Variants in NPSR1 observed in about 807,000 individuals in gnomAD.
The protein encoded by NPSR1 is neuropeptide S receptor.
NPSR1 carries 48 observed loss-of-function variants against 46.9 expected under a neutral mutation model. That is an observed-to-expected ratio of 1.02 (90% CI 0.81 to 1.30). The LOEUF (loss-of-function observed/expected upper bound fraction) is 1.30, where lower values mean the gene tolerates loss of function less well. Among genes scored for constraint, NPSR1 ranks in the 50% most tolerant of loss-of-function variants. NPSR1 has a pLI of 0.00. For synonymous variants in NPSR1, 176 were observed against 168.1 expected, an observed-to-expected ratio of 1.05 and a Z score of -0.36; for missense variants, 450 against 449.5, an observed-to-expected ratio of 1.00 and a Z score of -0.01.
chr7:34,809,610 C>G (rs1788885479), intron 3 of NPSR1, among the ~76,000 whole-genome samples: 1 of 151,772 alleles, frequency 6.6e-6, no homozygotes, highest in African/African-American at 2.4e-5. Flanking sequence ...ACTACAGGCG[C>G]CCGCCACTAC....
chr7:34,761,565 T>A (rs1786175360), intron 2 of NPSR1, among the ~76,000 whole-genome samples: 1 of 152,208 alleles, frequency 6.6e-6, no homozygotes, highest in South Asian at 2.1e-4. Context: ...AATATTTTTT[T>A]GTTACAATTT....
intron 8 of NPSR1, among the ~76,000 whole-genome samples, chr7:34,869,038 A>T (rs1300114856): frequency 1.3e-5 from 2 of 151,590 alleles, no homozygotes; most frequent in Non-Finnish European, 2.9e-5. Context: ...CATTTCTATC[A>T]TTGATAAAGG....
At chr7:34,734,780 C>T (rs1181652338) in intron 2 of NPSR1, among the ~76,000 whole-genome samples, 1 of 152,176 alleles carries the variant, frequency 6.6e-6, no homozygotes, top group Non-Finnish European at 1.5e-5. Flanking sequence ...CAGTGTTTCT[C>T]AAGAAGGTGG....
intron 2 of NPSR1, among the ~76,000 whole-genome samples, chr7:34,775,494 T>C (rs1443114829): frequency 6.6e-6 from 1 of 152,160 alleles, no homozygotes; most frequent in African/African-American, 2.4e-5. Context: ...GGAAGACATT[T>C]TATTATAAGT....
At chr7:34,829,723 C>T (rs1790028676) in intron 5 of NPSR1, among the ~76,000 whole-genome samples, 1 of 152,180 alleles carries the variant, frequency 6.6e-6, no homozygotes, top group Non-Finnish European at 1.5e-5. Flanking sequence ...AGGACTTCTC[C>T]TCAAACTTGC....
intron 1 of NPSR1, among the ~76,000 whole-genome samples, chr7:34,679,867 G>A (rs1312847610): frequency 6.6e-6 from 1 of 152,002 alleles, no homozygotes; most frequent in Admixed American, 6.5e-5. Context: ...CTGAAATGGT[G>A]CTACTACTAG....
chr7:34,721,657 T>C (rs1309031146), intron 2 of NPSR1, among the ~76,000 whole-genome samples: 1 of 152,262 alleles, frequency 6.6e-6, no homozygotes, highest in Non-Finnish European at 1.5e-5. Flanking sequence ...ACTTTAGATT[T>C]CTTTGTAAAA....
rs191509047 is a variant in NPSR1, at chr7:34,669,872, G to A, written c.147+11313G>A. 4.9e-3 allele frequency among the ~76,000 whole-genome samples: 750 copies of A among 152,328 alleles called. 2 individuals carry two copies. The highest frequency in any genetic ancestry group is 0.015 in the African/African-American group (643 of 41,584). On this transcript the variant is annotated intron_variant, in intron 1 of 8. Coordinates refer to ENST00000360581, the MANE Select transcript of NPSR1 (RefSeq NM_207172.2). The stretch of plus-strand genomic sequence containing the variant: ...CTATCCAAGTTGGAGCTTCTGCTCA[G>A]CTGTCGAGAGGATCGTGAAAAAACG...
intron 5 of NPSR1, chr7:34,834,171 C>T: frequency 1.7e-6 from 1 of 575,598 alleles, no homozygotes. Flanking sequence ...CAGGTCTTAG[C>T]CTCCTCACTT....
At chr7:34,802,431 T>C (rs1788468872) in intron 3 of NPSR1, among the ~76,000 whole-genome samples, 1 of 150,082 alleles carries the variant, frequency 6.7e-6, no homozygotes, top group Non-Finnish European at 1.5e-5. Context: ...AACTATCTGA[T>C]CTTTGACAAA....
chr7:34,708,663 A>G (rs1794229143), intron 2 of NPSR1, among the ~76,000 whole-genome samples: 1 of 152,248 alleles, frequency 6.6e-6, no homozygotes, highest in Non-Finnish European at 1.5e-5. Flanking sequence ...TAGATTCCAA[A>G]GCAGGTCAGA....
At chr7:34,743,439 TGTC>T (rs1785048999) in intron 2 of NPSR1, among the ~76,000 whole-genome samples, 1 of 149,558 alleles carries the variant, frequency 6.7e-6, no homozygotes, top group Non-Finnish European at 1.5e-5. Flanking sequence ...TCTCTCTCTC[TGTC>T]TTCTTTTTTT....
At chr7:34,868,090 C>G (rs1791359887) in intron 8 of NPSR1, among the ~76,000 whole-genome samples, 1 of 151,764 alleles carries the variant, frequency 6.6e-6, no homozygotes, top group African/African-American at 2.4e-5. Flanking sequence ...TCTGCAGGCA[C>G]AGTGGGAGAG....
chr7:34,661,479 T>C (rs1262184195), intron 1 of NPSR1, among the ~76,000 whole-genome samples: 1 of 152,176 alleles, frequency 6.6e-6, no homozygotes, highest in Non-Finnish European at 1.5e-5. Context: ...ACATTCTAGT[T>C]CTTATCCTCT....
intron 3 of NPSR1, among the ~76,000 whole-genome samples, chr7:34,798,389 G>T (rs1472968871): frequency 2.6e-5 from 4 of 152,004 alleles, no homozygotes; most frequent in Non-Finnish European, 5.9e-5. Context: ...ACAAAAATAG[G>T]CCAGATGTGG....
intron 6 of NPSR1, among the ~76,000 whole-genome samples, chr7:34,842,647 T>G (rs1790610527): frequency 6.6e-6 from 1 of 152,232 alleles, no homozygotes; most frequent in Admixed American, 6.5e-5. Context: ...TAATAGTAGT[T>G]AGGAGTGGCC....
At chr7:34,825,492 G>A (rs1250349506) in intron 4 of NPSR1, among the ~76,000 whole-genome samples, 7 of 152,306 alleles carry the variant, frequency 4.6e-5, no homozygotes, top group African/African-American at 1.4e-4. Context: ...GCTGGCTGGC[G>A]CTGTGGTCCT....
Position 34,868,121 on chromosome 7 carries a change from C to A in NPSR1, c.1026-9955C>A, listed in dbSNP as rs889281423. Reference sequence around the variant, plus strand: ...GAGAGTGGACTGTTATTAAATAAACCTCTGGTGAATTTTCTTTATTAAAGA... The same window carrying A: ...GAGAGTGGACTGTTATTAAATAAACATCTGGTGAATTTTCTTTATTAAAGA... On this transcript the variant is annotated intron_variant, in intron 8 of 8. Transcript: ENST00000359791. 2.6e-5 allele frequency among the ~76,000 whole-genome samples: 4 copies of A among 151,788 alleles called. No individual in the cohort carries two copies. In the South Asian group the frequency reaches 8.3e-4, roughly 32 times the overall value.
intron 5 of NPSR1, among the ~76,000 whole-genome samples, chr7:34,827,863 A>G (rs1329875606): frequency 6.6e-6 from 1 of 152,242 alleles, no homozygotes; most frequent in East Asian, 1.9e-4. Flanking sequence ...CACATTAGCC[A>G]CAGTATAACC....
Sources: gnomAD v4.1 joint callset for allele counts (sites outside exome capture counted in the v4.1 genomes callset) on GRCh38, gnomAD v4.1.1 for gene constraint, MANE v1.5 for transcripts, NCBI Gene and HGNC (gene_info 2026-07-23, HGNC 2026-07-21) for gene names.